DLGAP2: variants seen among roughly 807,000 people sequenced by gnomAD.
DLGAP2 encodes DLG associated protein 2.
DLGAP2 carries 26 observed loss-of-function variants against 100.3 expected under a neutral mutation model. That is an observed-to-expected ratio of 0.26 (90% CI 0.19 to 0.36). The LOEUF is 0.36. Among genes scored for constraint, DLGAP2 ranks in the 10% least tolerant of loss-of-function variants. DLGAP2 has a pLI of 1.00. For missense variants in DLGAP2, 1,858 were observed against 1,453.2 expected, an observed-to-expected ratio of 1.28 and a Z score of -4.53; for synonymous variants, 886 against 630.1, an observed-to-expected ratio of 1.41 and a Z score of -6.08.
In DLGAP2 at chr8:1,548,942, G is replaced by A. The variant is rs753130603; in HGVS notation, c.489G>A (p.Arg163=). 1.4e-5 allele frequency: 22 copies of A among 1,598,654 alleles called. 1 individual carries two copies. Among genetic ancestry groups the A allele is most frequent in the Admixed American group, 1.0e-4 (6 of 59,964 alleles). ...GDHVSSSTFP[R]MHYSSHYDTR... ...ACGTGTCCAGCAGCACCTTCCCGCG[G>A]ATGCACTACAGCTCGCACTACGACA... Residue 163 remains arginine, a synonymous_variant, in exon 5 of 15, where the codon CGG becomes CGA. Coordinates refer to ENST00000637795, the MANE Select transcript of DLGAP2 (RefSeq NM_001346810.2).
chr8:997,675 A>T (rs1425974313), intron 2 of DLGAP2, among the ~76,000 whole-genome samples: 1 of 152,244 alleles, frequency 6.6e-6, no homozygotes, highest in Non-Finnish European at 1.5e-5. Flanking sequence ...TCATCCCAGT[A>T]AACATAATTC....
chr8:1,645,915 A>G (rs1015756312), intron 8 of DLGAP2, among the ~76,000 whole-genome samples: 9 of 152,214 alleles, frequency 5.9e-5, no homozygotes, highest in Admixed American at 2.0e-4. Flanking sequence ...AACACGTCAT[A>G]TTCCAGCCTT....
At chr8:1,386,121 G>A (rs1368958189) in intron 3 of DLGAP2, among the ~76,000 whole-genome samples, 2 of 152,158 alleles carry the variant, frequency 1.3e-5, no homozygotes, top group Non-Finnish European at 2.9e-5. Flanking sequence ...CAAAATAATG[G>A]AAAATAAGAG....
chr8:1,534,616 A>G (rs895830441), intron 4 of DLGAP2, among the ~76,000 whole-genome samples: 1 of 152,230 alleles, frequency 6.6e-6, no homozygotes, highest in African/African-American at 2.4e-5. Flanking sequence ...TTAAAATTAG[A>G]ACTTTGATAT....
At chr8:1,580,419 C>T (rs1269615591) in intron 6 of DLGAP2, among the ~76,000 whole-genome samples, 1 of 152,182 alleles carries the variant, frequency 6.6e-6, no homozygotes, top group Admixed American at 6.5e-5. Flanking sequence ...GGAAATTACC[C>T]AGCGGAGGCT....
chr8:1,551,181 G>C (rs1261999586), intron 5 of DLGAP2, among the ~76,000 whole-genome samples: 1 of 152,394 alleles, frequency 6.6e-6, no homozygotes, highest in South Asian at 2.1e-4. Flanking sequence ...TTATTTTATA[G>C]CAATGGAAGA....
chr8:1,448,823 G>A lies in DLGAP2; in HGVS notation c.107-52543G>A, dbSNP rs561431139. Among the ~76,000 whole-genome samples the A allele has an allele frequency of 5.9e-5, 9 of 152,212 alleles. No individual in the cohort carries two copies. In the South Asian group the frequency reaches 8.3e-4, roughly 14 times the overall value. ...ATGACATCAATCATTGCCCTGATCCGGCCATGGAAAGATTTGGAGAAAGCC... is the reference window on the plus strand; with the variant it reads ...ATGACATCAATCATTGCCCTGATCCAGCCATGGAAAGATTTGGAGAAAGCC... On this transcript the variant is annotated intron_variant, in intron 3 of 14. Transcript: ENST00000637795.
At chr8:1,455,559 A>G (rs1398939610) in intron 3 of DLGAP2, among the ~76,000 whole-genome samples, 3 of 152,244 alleles carry the variant, frequency 2.0e-5, no homozygotes, top group East Asian at 1.9e-4. Flanking sequence ...GAGGCTTGCC[A>G]GGACCTTTTG....
At chr8:1,622,996 T>C (rs1797386979) in intron 6 of DLGAP2, among the ~76,000 whole-genome samples, 1 of 152,204 alleles carries the variant, frequency 6.6e-6, no homozygotes, top group African/African-American at 2.4e-5. Context: ...GTCCTAGTTC[T>C]TGAGTTTTGA....
At chr8:960,235 A>ATATTTTTTTTTTTTTTTT (rs1209692955) in intron 2 of DLGAP2, among the ~76,000 whole-genome samples, 1 of 8,350 alleles carries the variant, frequency 1.2e-4, no homozygotes, top group African/African-American at 4.3e-4. Flanking sequence ...CCTGAAGTAT[A>ATATTTTTTTTTTTTTTTT]TCTTTTTTTT....
chr8:1,513,671 T>C (rs887300394), intron 4 of DLGAP2, among the ~76,000 whole-genome samples: 2 of 152,212 alleles, frequency 1.3e-5, no homozygotes, highest in Non-Finnish European at 2.9e-5. Flanking sequence ...GAACTGCAGC[T>C]TTTCTCAGTA....
intron 3 of DLGAP2, among the ~76,000 whole-genome samples, chr8:1,392,747 A>G (rs901863332): frequency 2.6e-5 from 4 of 152,130 alleles, no homozygotes; most frequent in Admixed American, 6.5e-5. Context: ...AGGTGATGGC[A>G]CAGTAGTGAT....
intron 2 of DLGAP2, among the ~76,000 whole-genome samples, chr8:1,234,174 T>G (rs1388444425): frequency 6.6e-6 from 1 of 152,238 alleles, no homozygotes; most frequent in Non-Finnish European, 1.5e-5. Flanking sequence ...CGGAAAGTCC[T>G]GTGCGGCTGT....
chr8:1,353,105 A>G (rs1321930959), intron 3 of DLGAP2, among the ~76,000 whole-genome samples: 1 of 152,194 alleles, frequency 6.6e-6, no homozygotes, highest in African/African-American at 2.4e-5. Flanking sequence ...GAGGTCAGTG[A>G]TCTGGAGGAG....
At chr8:965,867 C>T (rs576744208) in intron 2 of DLGAP2, among the ~76,000 whole-genome samples, 9 of 152,158 alleles carry the variant, frequency 5.9e-5, no homozygotes, top group Admixed American at 1.3e-4. Flanking sequence ...GCCCGACCCC[C>T]GCATGCACAC....
chr8:855,544 C>T (rs564423755), intron 1 of DLGAP2, among the ~76,000 whole-genome samples: 31 of 152,256 alleles, frequency 2.0e-4, no homozygotes, highest in African/African-American at 6.3e-4. Context: ...CACACAGACA[C>T]ATCAGGAGGA....
chr8:1,549,024 A>T lies in DLGAP2; in HGVS notation c.571A>T (p.Asn191Tyr). 1 of 1,596,706 alleles carries T rather than the reference A, an allele frequency of 6.3e-7. No homozygotes were observed. Among genetic ancestry groups the T allele is most frequent in the Non-Finnish European group, 8.5e-7 (1 of 1,176,966 alleles). ...AGAKINRIPA[N>Y]LLDQFEKQLP... ...CGCCAAGATCAACCGCATCCCGGCC[A>T]ACCTGCTGGACCAGTTCGAGAAGCA... The change falls in exon 5 of 15, where the codon AAC becomes TAC. Residue 191 changes from asparagine to tyrosine, a missense_variant. By Grantham distance (143) the Asn-to-Tyr change is moderately radical (BLOSUM62 -2). Transcript: ENST00000637795.
rs962520956 is a variant in DLGAP2 at position 1,707,189 on chromosome 8, C to A, written c.*5783C>A. The A allele has an allele frequency of 1.3e-5, 2 of 152,594 alleles. No homozygotes were observed. Among genetic ancestry groups the A allele is most frequent in the African/African-American group, 4.8e-5 (2 of 41,424 alleles). The allele number at this position is 152,594 out of a possible 1,614,324, so 9.5% of individuals were successfully genotyped here. ...TTGGTGCTTATTCAGAACCTGAAAG[C>A]CTTGGGCATCCAAGCTTTCACCTAC... On this transcript the variant is annotated 3_prime_UTR_variant, in exon 15 of 15. Transcript: ENST00000637795.
intron 3 of DLGAP2, among the ~76,000 whole-genome samples, chr8:1,290,378 G>A (rs1165902609): frequency 6.6e-6 from 1 of 152,222 alleles, no homozygotes; most frequent in East Asian, 1.9e-4. Context: ...CATAGTGACG[G>A]CAGGGTTTGA....
Sources: allele counts gnomAD v4.1 joint callset (sites outside exome capture counted in the v4.1 genomes callset), GRCh38; gene constraint gnomAD v4.1.1; transcripts MANE v1.5; gene names NCBI Gene and HGNC (gene_info 2026-07-23, HGNC 2026-07-21).